Variants in MTMR14 observed in about 807,000 individuals in gnomAD.
MTMR14 encodes the protein myotubularin related protein 14, also known as phosphatidylinositol-3,5-bisphosphate 3-phosphatase MTMR14.
In MTMR14, 48 loss-of-function variants were observed where a neutral mutation model predicts 86.3. That is an observed-to-expected ratio of 0.56 (90% CI 0.44 to 0.71). The LOEUF is 0.71. MTMR14 is among the 30% of genes least tolerant of loss of function. The pLI is 0.00. For missense variants in MTMR14, 780 were observed against 834.6 expected (o/e 0.93, Z 0.81); for synonymous variants, 366 against 326.1 (o/e 1.12, Z -1.32).
At chr3:9,676,401 G>C (rs9836016) in intron 7 of MTMR14, among the ~76,000 whole-genome samples, 3,843 of 152,356 alleles carry the variant, frequency 0.025, 91 homozygotes, top group African/African-American at 0.068. Context: ...CTCTGACCAA[G>C]GCAGCCAACT....
At chr3:9,691,038 T>C (rs1239008734) in intron 17 of MTMR14, among the ~76,000 whole-genome samples, 2 of 152,180 alleles carry the variant, frequency 1.3e-5, no homozygotes, top group Non-Finnish European at 2.9e-5. Flanking sequence ...GGAACCTTCC[T>C]CCCATCACCC....
At chr3:9,687,252 T>C (rs147880659) in intron 13 of MTMR14, among the ~76,000 whole-genome samples, 1 of 152,186 alleles carries the variant, frequency 6.6e-6, no homozygotes, top group East Asian at 1.9e-4. Flanking sequence ...AATTTAATGA[T>C]GGTTTGAAAA....
At chr3:9,657,995 C>G (rs1035943377) in intron 2 of MTMR14, among the ~76,000 whole-genome samples, 3 of 152,212 alleles carry the variant, frequency 2.0e-5, no homozygotes, top group African/African-American at 7.2e-5. Context: ...CCACGGCTCT[C>G]CCACCTTGTC....
chr3:9,651,957 C>T (rs1321042675), intron 1 of MTMR14, among the ~76,000 whole-genome samples: 3 of 152,166 alleles, frequency 2.0e-5, no homozygotes, highest in South Asian at 4.2e-4. Flanking sequence ...TCAGCCTCCC[C>T]AGTAGGTGGG....
chr3:9,657,800 C>T (rs1041828397), intron 2 of MTMR14, among the ~76,000 whole-genome samples: 11 of 152,098 alleles, frequency 7.2e-5, no homozygotes, highest in African/African-American at 2.2e-4. Flanking sequence ...CCACTGGTCT[C>T]GGCCTCCCAA....
At chr3:9,678,346 C>T (rs1449578575) in intron 9 of MTMR14, among the ~76,000 whole-genome samples, 3 of 152,212 alleles carry the variant, frequency 2.0e-5, no homozygotes, top group Admixed American at 2.0e-4. Flanking sequence ...GTCTGCTATT[C>T]CAGATCTGGG....
Position 9,677,090 on chromosome 3 carries a change from G to A in MTMR14, c.752-227G>A, listed in dbSNP as rs183531857. 1.3e-5 allele frequency among the ~76,000 whole-genome samples: 2 copies of A among 152,334 alleles called. No individual in the cohort carries two copies. The highest frequency in any genetic ancestry group is 4.8e-5 in the African/African-American group (2 of 41,574). On this transcript the variant is annotated intron_variant, in intron 7 of 18. Transcript: ENST00000296003. The surrounding 1 kb of genome is among the most constrained non-coding windows in gnomAD (Gnocchi z 4.2). ...TACAAAGAGGCTGAGAGCAGGCAGT[G>A]CCTCGTGGAAAAGGCATGCAGCCAG...
chr3:9,651,428 G>A (rs1005040825), intron 1 of MTMR14, among the ~76,000 whole-genome samples: 1 of 152,082 alleles, frequency 6.6e-6, no homozygotes, highest in Admixed American at 6.6e-5. Context: ...AGTGGCTGTA[G>A]GTCATTGGTT....
intron 17 of MTMR14, among the ~76,000 whole-genome samples, chr3:9,696,233 C>T (rs1200088075): frequency 6.6e-6 from 1 of 152,238 alleles, no homozygotes; most frequent in African/African-American, 2.4e-5. Context: ...CGCACTGGCT[C>T]ACGCCTGTAA....
intron 3 of MTMR14, among the ~76,000 whole-genome samples, chr3:9,668,481 A>T (rs2048378839): frequency 6.6e-6 from 1 of 152,188 alleles, no homozygotes; most frequent in Non-Finnish European, 1.5e-5. Context: ...ATCTGATCCG[A>T]TCCTGTTGGT....
chr3:9,685,304 G>A (rs2075903583), intron 13 of MTMR14, 57 bp downstream of exon 13: 1 of 1,604,594 alleles, frequency 6.2e-7, no homozygotes, highest in Non-Finnish European at 8.5e-7. Context: ...AGGGGCAGTG[G>A]GTAGCCTGTC....
At chr3:9,652,550 C>T (rs1002903666) in intron 1 of MTMR14, among the ~76,000 whole-genome samples, 3 of 151,912 alleles carry the variant, frequency 2.0e-5, no homozygotes, top group East Asian at 1.9e-4. Context: ...CCCAGGAGTT[C>T]GAGAGCAGCC....
At chr3:9,666,835 C>T (rs1574972763) in intron 3 of MTMR14, among the ~76,000 whole-genome samples, 1 of 151,226 alleles carries the variant, frequency 6.6e-6, no homozygotes, top group South Asian at 2.1e-4. Flanking sequence ...GTAGATCTTG[C>T]GTTTTCAGTC....
intron 10 of MTMR14, among the ~76,000 whole-genome samples, chr3:9,684,242 C>T (rs1050679594): frequency 1.3e-5 from 2 of 152,122 alleles, no homozygotes; most frequent in African/African-American, 2.4e-5. Flanking sequence ...TGCCCACTCC[C>T]GCTACCCCCC....
intron 9 of MTMR14, among the ~76,000 whole-genome samples, chr3:9,679,907 G>A (rs998415935): frequency 6.6e-6 from 1 of 152,228 alleles, no homozygotes; most frequent in African/African-American, 2.4e-5. Context: ...CCTCTTCAGT[G>A]TTGCTCAACC....
chr3:9,649,846 C>T, intron 1 of MTMR14, 104 bp downstream of exon 1: 2 of 1,557,550 alleles, frequency 1.3e-6, no homozygotes, highest in Non-Finnish European at 1.7e-6. Flanking sequence ...GGTACCTCGC[C>T]GCTGAGGAAG....
intron 1 of MTMR14, among the ~76,000 whole-genome samples, chr3:9,652,079 C>T (rs1182050375): frequency 6.6e-6 from 1 of 152,132 alleles, no homozygotes; most frequent in Non-Finnish European, 1.5e-5. Flanking sequence ...ATCTGCCCGC[C>T]TTGGCCTCCC....
chr3:9,653,887 T>C (rs1172443841), intron 2 of MTMR14, 118 bp downstream of exon 2: 11 of 1,393,754 alleles, frequency 7.9e-6, no homozygotes, highest in Non-Finnish European at 1.1e-5. Context: ...TTAATCCTTA[T>C]TGGCATTTTT....
At position 9,662,254 on chromosome 3, in the gene MTMR14, G is replaced by C. The variant is rs1005591565; in HGVS notation, c.309-13G>C. On this transcript the variant is annotated splice_polypyrimidine_tract_variant and intron_variant, in intron 2 of 18. Coordinates refer to ENST00000296003, the MANE Select transcript of MTMR14 (RefSeq NM_001077525.3). ...AAAGTCAGCTTGACCTGCTTCTCTT[G>C]CCTGTGTGTTAGGTTTGAGAGTACC... is the stretch of plus-strand genomic sequence containing the variant. The C allele has an allele frequency of 6.2e-7, 1 of 1,611,078 alleles. No individual in the cohort carries two copies. Among genetic ancestry groups the C allele is most frequent in the South Asian group, 1.1e-5 (1 of 90,986 alleles).
Sources: gnomAD v4.1 joint callset for allele counts (sites outside exome capture counted in the v4.1 genomes callset) on GRCh38, gnomAD v4.1.1 for gene constraint, Gnocchi (gnomAD v3.1) non-coding constraint, MANE v1.5 for transcripts, NCBI Gene and HGNC (gene_info 2026-07-23, HGNC 2026-07-21) for gene names.